HYDIN: variants seen among roughly 807,000 people sequenced by gnomAD.
HYDIN encodes axonemal central pair apparatus protein HYDIN.
Under a neutral mutation model 403.9 loss-of-function variants are expected in HYDIN, and 132 were observed. The observed-to-expected ratio is 0.33, with a 90% CI of 0.28 to 0.38. The LOEUF (loss-of-function observed/expected upper bound fraction) is 0.38, where lower values mean the gene tolerates loss of function less well. Among genes scored for constraint, HYDIN ranks in the 10% least tolerant of loss-of-function variants. The pLI is 1.00. For missense variants in HYDIN, 2,827 were observed against 5,009.5 expected, an observed-to-expected ratio of 0.56 and a Z score of 13.15; for synonymous variants, 1,202 against 1,891.7, an observed-to-expected ratio of 0.64 and a Z score of 9.46.
chr16:70,817,870 T>C (rs2035945195), intron 84 of HYDIN, among the ~76,000 whole-genome samples: 1 of 151,870 alleles, frequency 6.6e-6, no homozygotes, highest in African/African-American at 2.4e-5. Flanking sequence ...GCCTCCCGAG[T>C]AGCTGGGATT....
intron 77 of HYDIN, among the ~76,000 whole-genome samples, chr16:70,837,216 T>C (rs2037487982): frequency 1.3e-5 from 2 of 152,124 alleles, no homozygotes; most frequent in African/African-American, 2.4e-5. Context: ...TCCAGGGATC[T>C]GTGGCTGGCT....
chr16:70,932,009 CAAAAAAAAA>C (rs57391181), intron 45 of HYDIN, among the ~76,000 whole-genome samples: 1 of 29,074 alleles, frequency 3.4e-5, no homozygotes, highest in African/African-American at 2.0e-4. Context: ...AGACTTGTAT[CAAAAAAAAA>C]AAAAAAAAAA....
chr16:71,061,861 AGTGTGTGT>A (rs66689823), intron 17 of HYDIN, among the ~76,000 whole-genome samples: 4 of 144,022 alleles, frequency 2.8e-5, no homozygotes, highest in Non-Finnish European at 6.0e-5. Context: ...CATGTGTGAC[AGTGTGTGT>A]GTGTGTGTGT....
At position 70,804,408 on chromosome 16, in the gene HYDIN, A is replaced by G. The variant is rs1398407135; in HGVS notation, c.*3172T>C. Among the ~76,000 whole-genome samples the G allele has an allele frequency of 6.6e-6, 1 of 152,208 alleles. No individual in the cohort carries two copies. The highest frequency in any genetic ancestry group is 1.9e-4 in the East Asian group (1 of 5,180). Reference sequence around the variant, plus strand: ...GAGATGGGAGGAGACCCTCAAATCCATCTCCCGGAAGAGTTCTGGACTGGG... The same window carrying G: ...GAGATGGGAGGAGACCCTCAAATCCGTCTCCCGGAAGAGTTCTGGACTGGG... On this transcript the variant is annotated 3_prime_UTR_variant, in exon 86 of 86. Coordinates refer to ENST00000393567, the MANE Select transcript of HYDIN (RefSeq NM_001270974.2).
rs531886254 is a variant in HYDIN, at chr16:70,802,349, T to C, written c.*5231A>G. 6.6e-6 allele frequency: 1 copy of C among 152,314 alleles called. No homozygotes were observed. Among genetic ancestry groups the C allele is most frequent in the Admixed American group, 6.5e-5 (1 of 15,308 alleles). The allele number at this position is 152,314 out of a possible 1,614,324, so 9.4% of individuals were successfully genotyped here. A position where few individuals can be genotyped will look rare whatever the true frequency, so the allele number is the denominator to read the frequency against. On this transcript the variant is annotated 3_prime_UTR_variant, in exon 86 of 86. Coordinates refer to ENST00000393567, the MANE Select transcript of HYDIN (RefSeq NM_001270974.2). Reference sequence around the variant, plus strand: ...ATTATGTAATATCGCAGAAGAGATTTTGCAGATGTAATTAAGGTCCCTAAT... The same window carrying C: ...ATTATGTAATATCGCAGAAGAGATTCTGCAGATGTAATTAAGGTCCCTAAT...
intron 55 of HYDIN, 44 bp from the exon 56 acceptor site, chr16:70,892,573 G>C (rs528241569): frequency 6.3e-7 from 1 of 1,576,524 alleles, no homozygotes; most frequent in Non-Finnish European, 8.6e-7. Flanking sequence ...ATTATCCCGG[G>C]AACTCAAGAT....
chr16:70,977,852 G>C (rs912584590), intron 30 of HYDIN, among the ~76,000 whole-genome samples: 1 of 151,484 alleles, frequency 6.6e-6, no homozygotes, highest in Non-Finnish European at 1.5e-5. Flanking sequence ...AGAATCTTTT[G>C]GCCACCCCTC....
Position 70,833,921 on chromosome 16 carries a change from T to C in HYDIN, c.13645A>G (p.Ile4549Val). Residue 4549 changes from isoleucine to valine, a missense_variant, in exon 79 of 86, where the codon ATC becomes GTC. Physicochemically the swap from Ile to Val is conservative, Grantham distance 29. Transcript: ENST00000393567. ...ACATCGCCTGTGTTCATCATGAGGA[T>C]GCGACGTGTGGCTTGCGTCTGATAC... ...VVYQTQATRR[I>V]LMMNTGDVGA... The C allele has an allele frequency of 6.2e-7, 1 of 1,613,674 alleles. No homozygotes were observed. The highest frequency in any genetic ancestry group is 8.5e-7 in the Non-Finnish European group (1 of 1,179,842).
chr16:71,190,114 G>A (rs1386676999), intron 1 of HYDIN, among the ~76,000 whole-genome samples: 1 of 152,160 alleles, frequency 6.6e-6, no homozygotes, highest in South Asian at 2.1e-4. Flanking sequence ...CGGTGGCAAT[G>A]ACAGCGCAGA....
chr16:71,009,573 C>A (rs1369115067), intron 23 of HYDIN, among the ~76,000 whole-genome samples: 1 of 152,112 alleles, frequency 6.6e-6, no homozygotes. Flanking sequence ...ATGTTTGAAT[C>A]CCTGGAACCT....
chr16:70,850,727 C>T (rs1360747247), intron 73 of HYDIN, 72 bp from the exon 74 acceptor site: 3 of 1,287,386 alleles, frequency 2.3e-6, no homozygotes, highest in Non-Finnish European at 3.3e-6. Flanking sequence ...TATGAGCCTA[C>T]TGAATTAGCA....
chr16:70,943,033 A>C (rs2077731034), intron 42 of HYDIN, among the ~76,000 whole-genome samples: 1 of 152,170 alleles, frequency 6.6e-6, no homozygotes, highest in African/African-American at 2.4e-5. Flanking sequence ...ACGTCAAGTT[A>C]ATTTTGTTGT....
At chr16:70,825,070 C>T (rs2261540) in intron 83 of HYDIN, among the ~76,000 whole-genome samples, 10,448 of 151,102 alleles carry the variant, frequency 0.069, 1,201 homozygotes, top group African/African-American at 0.24. Context: ...CTGGGTCAGT[C>T]ACTTTGAGTC....
intron 40 of HYDIN, among the ~76,000 whole-genome samples, chr16:70,954,452 C>CAAA (rs56235375): frequency 1.5e-5 from 1 of 65,864 alleles, no homozygotes; most frequent in South Asian, 5.6e-4. Flanking sequence ...TACCTTGTCT[C>CAAA]AAAAAAAAAA....
At chr16:70,840,383 G>C in intron 75 of HYDIN, 150 bp from the exon 76 acceptor site, 1 of 568,948 alleles carries the variant, frequency 1.8e-6, no homozygotes, top group Non-Finnish European at 3.1e-6. Context: ...CAGTAGGTTA[G>C]AAGTTTGTGT....
At chr16:71,055,593 A>G (rs2081858047) in intron 18 of HYDIN, among the ~76,000 whole-genome samples, 1 of 151,916 alleles carries the variant, frequency 6.6e-6, no homozygotes, top group African/African-American at 2.4e-5. Context: ...CCTTGCTGCC[A>G]TATCACTGTG....
At chr16:70,889,763 C>G in intron 57 of HYDIN, 59 bp from the exon 58 acceptor site, 4 of 652,242 alleles carry the variant, frequency 6.1e-6, no homozygotes, top group Non-Finnish European at 1.1e-5. Context: ...ACATTAGACA[C>G]CACCTGTCTG....
chr16:71,198,784 C>G (rs905277563), intron 1 of HYDIN, among the ~76,000 whole-genome samples: 4 of 152,156 alleles, frequency 2.6e-5, no homozygotes, highest in Non-Finnish European at 5.9e-5. Context: ...TTGTAATAAA[C>G]TCACTTCATG....
intron 23 of HYDIN, among the ~76,000 whole-genome samples, chr16:71,005,131 A>G (rs528079205): frequency 1.3e-5 from 2 of 152,358 alleles, no homozygotes; most frequent in South Asian, 4.1e-4. Context: ...TCATAACTGT[A>G]GCATGGGACC....
Sources: allele counts gnomAD v4.1 joint callset (sites outside exome capture counted in the v4.1 genomes callset), GRCh38; gene constraint gnomAD v4.1.1; transcripts MANE v1.5; gene names NCBI Gene and HGNC (gene_info 2026-07-23, HGNC 2026-07-21).